TSEN54: variants seen among roughly 807,000 people sequenced by gnomAD.
TSEN54 encodes tRNA splicing endonuclease subunit 54.
Under a neutral mutation model 61.9 loss-of-function variants are expected in TSEN54, and 55 were observed. That is an observed-to-expected ratio of 0.89 (90% CI 0.72 to 1.11). The LOEUF is 1.11. Among genes scored for constraint, TSEN54 ranks in the 50% most tolerant of loss-of-function variants. The pLI is 0.00. For missense variants in TSEN54, 760 were observed against 687.7 expected (o/e 1.11, Z -1.18); for synonymous variants, 304 against 288.7 (o/e 1.05, Z -0.54).
chr17:75,517,468 G>A (rs28512237), intron 4 of TSEN54, 89 bp from the exon 5 acceptor site: 3 of 1,267,202 alleles, frequency 2.4e-6, no homozygotes, highest in East Asian at 2.3e-5. Flanking sequence ...GAGAGGGGGA[G>A]GGGGAGGTAT....
In TSEN54 at chr17:75,523,331, G is replaced by A. The variant is rs748999529; in HGVS notation, c.1309G>A (p.Ala437Thr). Residue 437 changes from alanine to threonine, a missense_variant, in exon 9 of 11, where the codon GCC becomes ACC. By Grantham distance (58) the Ala-to-Thr change is moderately conservative (BLOSUM62 0). Around this residue, in one of 3 missense-constraint regions of TSEN54, gnomAD observed 667 missense variants for 577.8 expected, o/e 1.15. Transcript: ENST00000333213. ...GACAACACACCTTCCTGATGGAGGTGCCCGGTAAGTTTCCAAGCAGTGCCG... is the reference window on the plus strand; with the variant it reads ...GACAACACACCTTCCTGATGGAGGTACCCGGTAAGTTTCCAAGCAGTGCCG... The part of the protein sequence containing the change: ...LQTTHLPDGG[A>T]RLLEKSGGLE... 11 of 1,614,114 alleles carry A rather than the reference G, an allele frequency of 6.8e-6. No homozygotes were observed. The highest frequency in any genetic ancestry group is 6.7e-5 in the East Asian group (3 of 44,888).
chr17:75,523,835 C>T, intron 10 of TSEN54, 56 bp downstream of exon 10: 4 of 1,571,676 alleles, frequency 2.5e-6, no homozygotes, highest in Non-Finnish European at 3.5e-6. Flanking sequence ...CTCCTGTGAA[C>T]CAAGTGGGAC....
In TSEN54 at chr17:75,524,628, A is replaced by C. The variant is rs1598480846; in HGVS notation, c.*216A>C. 4.4e-6 allele frequency: 3 copies of C among 677,902 alleles called. No homozygotes were observed. In the African/African-American group the frequency reaches 5.3e-5, roughly 12 times the overall value. 42.0% of individuals were successfully genotyped at this position (677,902 alleles called of 1,614,324 possible). A position where few individuals can be genotyped will look rare whatever the true frequency, so the allele number is the denominator to read the frequency against. ...TGACCCCTCTGGAACTCAGGACTCG[A>C]TTTTAAGGACCCAGGAGGTGGGGCA... On this transcript the variant is annotated 3_prime_UTR_variant, in exon 11 of 11. Coordinates refer to ENST00000333213, the MANE Select transcript of TSEN54 (RefSeq NM_207346.3).
chr17:75,520,311 TATAATCCCAGC>T (rs1305401451), intron 6 of TSEN54, among the ~76,000 whole-genome samples: 1 of 151,730 alleles, frequency 6.6e-6, no homozygotes, highest in Non-Finnish European at 1.5e-5. Context: ...GGCTCACGCC[TATAATCCCAGC>T]ATTTTGGGAG....
chr17:75,517,130 C>T (rs749783106), intron 3 of TSEN54, 31 bp from the exon 4 acceptor site: 24 of 1,520,890 alleles, frequency 1.6e-5, no homozygotes, highest in Non-Finnish European at 2.2e-5. Flanking sequence ...GCCCTCCCTC[C>T]CTTGTGACAC....
chr17:75,517,739 A>G (rs542796023), intron 5 of TSEN54, 84 bp downstream of exon 5: 1 of 1,202,044 alleles, frequency 8.3e-7, no homozygotes, highest in Non-Finnish European at 1.2e-6. Context: ...TGCCAGGCAC[A>G]GTGTCACATG....
At chr17:75,517,791 T>G (rs916039345) in intron 5 of TSEN54, 136 bp downstream of exon 5, 3 of 780,028 alleles carry the variant, frequency 3.8e-6, no homozygotes, top group Non-Finnish European at 6.6e-6. Context: ...GTCACGAGGC[T>G]TACATTGTGG....
In TSEN54 at chr17:75,517,524, G is replaced by T. The variant is rs780612530; in HGVS notation, c.370-33G>T. 3 of 1,577,426 alleles carry T rather than the reference G, an allele frequency of 1.9e-6. No individual in the cohort carries two copies. In the South Asian group the frequency reaches 3.3e-5, roughly 17 times the overall value. On this transcript the variant is annotated intron_variant, in intron 4 of 10. Transcript: ENST00000333213. ...ATTCCTCTGTGGCACTGTAGTGAGG[G>T]CTCATAAGCTGAGCTGTTGGCCCCA...
chr17:75,524,106 T>C (rs2053470012), intron 10 of TSEN54, among the ~76,000 whole-genome samples, 156 bp from the exon 11 acceptor site: 1 of 152,242 alleles, frequency 6.6e-6, no homozygotes, highest in African/African-American at 2.4e-5. Flanking sequence ...ACCAGTGCTC[T>C]GGGGCGCTCT....
chr17:75,521,655 C>T (rs760579378), intron 7 of TSEN54, 50 bp from the exon 8 acceptor site: 4 of 1,599,916 alleles, frequency 2.5e-6, no homozygotes, highest in Admixed American at 1.7e-5. Context: ...GGGACGTGTG[C>T]ACCTTAGCAA....
intron 10 of TSEN54, among the ~76,000 whole-genome samples, 178 bp downstream of exon 10, chr17:75,523,957 GCTC>G (rs2147017797): frequency 6.6e-6 from 1 of 152,314 alleles, no homozygotes; most frequent in Non-Finnish European, 1.5e-5. Context: ...CCTACTCTGA[GCTC>G]CTCGTTGCTG....
chr17:75,518,700 A>G (rs2053398576), intron 5 of TSEN54: 1 of 985,352 alleles, frequency 1.0e-6, no homozygotes, highest in African/African-American at 1.7e-5. Context: ...GTATCAAAAT[A>G]CTCAAGTATT....
rs754686735 is a variant in TSEN54, at chr17:75,521,954, C to T, written c.873C>T (p.Ala291=). Residue 291 remains alanine, a synonymous_variant, in exon 8 of 11, where the codon GCC becomes GCT. Transcript: ENST00000333213. The part of the protein sequence containing the change: ...SGRAENGVTG[A]GKRRWNFEQI... ...GAGCCGAGAACGGAGTCACGGGAGC[C>T]GGTAAGCGGCGCTGGAACTTCGAGC... 14 of 1,609,974 alleles carry T rather than the reference C, an allele frequency of 8.7e-6. No homozygotes were observed. Among genetic ancestry groups the T allele is most frequent in the South Asian group, 1.1e-5 (1 of 90,750 alleles).
In TSEN54 at chr17:75,523,329, G is replaced by T; in HGVS notation, c.1307G>T (p.Gly436Val). 6.2e-7 allele frequency: 1 copy of T among 1,614,116 alleles called. No individual in the cohort carries two copies. Among genetic ancestry groups the T allele is most frequent in the Non-Finnish European group, 8.5e-7 (1 of 1,180,020 alleles). ...CAGACAACACACCTTCCTGATGGAGGTGCCCGGTAAGTTTCCAAGCAGTGC... is the reference window on the plus strand; with the variant it reads ...CAGACAACACACCTTCCTGATGGAGTTGCCCGGTAAGTTTCCAAGCAGTGC... ...VLQTTHLPDG[G>V]ARLLEKSGGL... Residue 436 changes from glycine to valine, a missense_variant, in exon 9 of 11, where the codon GGT (glycine) becomes GTT (valine). Gly to Val is a moderately radical substitution (Grantham distance 109). This residue lies in a region of TSEN54 where 667 missense variants were observed against 577.8 expected (regional missense o/e 1.15). Transcript: ENST00000333213.
chr17:75,519,132 A>G (rs1043026195), intron 6 of TSEN54, 85 bp downstream of exon 6: 240 of 1,495,936 alleles, frequency 1.6e-4, no homozygotes, highest in Non-Finnish European at 2.1e-4. Flanking sequence ...GCCTCTCCTT[A>G]CCTGGAACCC....
intron 9 of TSEN54, 160 bp downstream of exon 9, chr17:75,523,495 G>C (rs1281541850): frequency 1.3e-6 from 2 of 1,596,890 alleles, no homozygotes; most frequent in East Asian, 2.2e-5. Context: ...GTGTGTCTAG[G>C]GAAGAGGGAG....
chr17:75,522,073 A>G lies in TSEN54; in HGVS notation c.992A>G (p.Glu331Gly), dbSNP rs763299472. The change falls in exon 8 of 11, where the codon GAG becomes GGG. Residue 331 changes from glutamate to glycine, a missense_variant. Coordinates refer to ENST00000333213, the MANE Select transcript of TSEN54 (RefSeq NM_207346.3). ...CTCCCGGCCAACGTGGCTGGGCGGGAGACAGACGCTGAGTCCTGGTGCCAG... is the reference window on the plus strand; with the variant it reads ...CTCCCGGCCAACGTGGCTGGGCGGGGGACAGACGCTGAGTCCTGGTGCCAG... The part of the protein sequence containing the change: ...ELLPANVAGR[E>G]TDAESWCQKL... 4 of 1,586,714 alleles carry G rather than the reference A, an allele frequency of 2.5e-6. No individual in the cohort carries two copies. The highest frequency in any genetic ancestry group is 3.4e-6 in the Non-Finnish European group (4 of 1,167,116).
chr17:75,516,933 T>A (rs752648446), intron 2 of TSEN54, 23 bp downstream of exon 2: 4 of 1,537,888 alleles, frequency 2.6e-6, no homozygotes, highest in Non-Finnish European at 3.5e-6. Flanking sequence ...GGCCCAGGGG[T>A]AAGGGAAGCG....
At chr17:75,517,695 C>G (rs763109377) in intron 5 of TSEN54, 40 bp downstream of exon 5, 5 of 1,530,040 alleles carry the variant, frequency 3.3e-6, no homozygotes, top group South Asian at 2.2e-5. Context: ...CACCCATCCA[C>G]TGAATCAATG....
Sources: gnomAD v4.1 joint callset for allele counts (sites outside exome capture counted in the v4.1 genomes callset) on GRCh38, gnomAD v4.1.1 for gene constraint, gnomAD v4.1.1 regional missense constraint, MANE v1.5 for transcripts, NCBI Gene and HGNC (gene_info 2026-07-23, HGNC 2026-07-21) for gene names.